SEPTIN9: variants seen among roughly 807,000 people sequenced by gnomAD.
SEPTIN9 encodes septin 9.
In SEPTIN9, 13 loss-of-function variants were observed where a neutral mutation model predicts 56.6. The ratio of observed to expected loss-of-function variants is 0.23; its 90% confidence interval spans 0.15 to 0.37. SEPTIN9 has a LOEUF of 0.37. Ranked by LOEUF, SEPTIN9 falls within the 10% of genes least tolerant of loss-of-function variation. The pLI is 1.00. For synonymous variants in SEPTIN9, 332 were observed against 334.1 expected, an observed-to-expected ratio of 0.99 and a Z score of 0.07; for missense variants, 650 against 823.1, an observed-to-expected ratio of 0.79 and a Z score of 2.57.
chr17:77,425,979 C>T lies in SEPTIN9; in HGVS notation c.721+23276C>T, dbSNP rs928925706. Among the ~76,000 whole-genome samples the T allele has an allele frequency of 2.0e-5, 3 of 152,172 alleles. No individual in the cohort carries two copies. The highest frequency in any genetic ancestry group is 6.5e-5 in the Admixed American group (1 of 15,270). On this transcript the variant is annotated intron_variant, in intron 3 of 11. Coordinates refer to ENST00000427177, the MANE Select transcript of SEPTIN9 (RefSeq NM_001113491.2). This position sits in a 1 kb window ranked among gnomAD's most constrained non-coding sequence, Gnocchi z 4.2. Reference sequence around the variant, plus strand: ...GTGCGGCTGTGAGTTCAGGCCATGCCCTCAGACTGGAGGATAGGATCGGAA... The same window carrying T: ...GTGCGGCTGTGAGTTCAGGCCATGCTCTCAGACTGGAGGATAGGATCGGAA...
At chr17:77,494,613 G>A (rs969338626) in intron 10 of SEPTIN9, among the ~76,000 whole-genome samples, 1 of 152,228 alleles carries the variant, frequency 6.6e-6, no homozygotes, top group Non-Finnish European at 1.5e-5. Context: ...TTACCAGGAG[G>A]CATCAGACAC....
intron 2 of SEPTIN9, among the ~76,000 whole-genome samples, chr17:77,397,771 T>G (rs1962403): frequency 0.02 from 3,078 of 152,250 alleles, 108 homozygotes; most frequent in African/African-American, 0.068. Flanking sequence ...TGCCTCAGCC[T>G]TCCAAGTAGC....
intron 3 of SEPTIN9, among the ~76,000 whole-genome samples, chr17:77,470,089 A>ACTCAT (rs2038920744): frequency 6.7e-6 from 1 of 150,002 alleles, no homozygotes; most frequent in Non-Finnish European, 1.5e-5. Flanking sequence ...CTATCCATCC[A>ACTCAT]CTCATCCACC....
intron 6 of SEPTIN9, 128 bp downstream of exon 6, chr17:77,488,449 T>A: frequency 1.1e-6 from 1 of 917,398 alleles, no homozygotes; most frequent in Non-Finnish European, 1.7e-6. Context: ...CCTGACATGC[T>A]GCCAAAGCCG....
At chr17:77,387,655 T>C (rs1223849558) in intron 2 of SEPTIN9, among the ~76,000 whole-genome samples, 2 of 152,132 alleles carry the variant, frequency 1.3e-5, no homozygotes, top group Non-Finnish European at 2.9e-5. Flanking sequence ...GTCCTCTGAA[T>C]GGCGGCTGCT....
intron 2 of SEPTIN9, among the ~76,000 whole-genome samples, chr17:77,360,705 C>G (rs151044493): frequency 6.6e-6 from 1 of 152,164 alleles, no homozygotes; most frequent in African/African-American, 2.4e-5. Context: ...GCTGGGACTA[C>G]AGGCGCCCGC....
chr17:77,398,261 C>CA (rs1362978760), intron 2 of SEPTIN9, among the ~76,000 whole-genome samples: 1 of 152,220 alleles, frequency 6.6e-6, no homozygotes, highest in African/African-American at 2.4e-5. Flanking sequence ...AGGCGTGAGC[C>CA]ACCACGCCTG....
At chr17:77,414,100 C>T (rs1209017553) in intron 3 of SEPTIN9, among the ~76,000 whole-genome samples, 5 of 151,684 alleles carry the variant, frequency 3.3e-5, no homozygotes, top group Non-Finnish European at 5.9e-5. Context: ...TTTTTTGAGA[C>T]GGAGTTTCAC....
intron 2 of SEPTIN9, chr17:77,320,233 G>A: frequency 1.9e-6 from 3 of 1,610,870 alleles, no homozygotes; most frequent in Non-Finnish European, 2.5e-6. Flanking sequence ...AGGAGGAGGA[G>A]GCTGAGAGAG....
chr17:77,336,278 T>C (rs1686127930), intron 2 of SEPTIN9, among the ~76,000 whole-genome samples: 1 of 152,174 alleles, frequency 6.6e-6, no homozygotes, highest in Admixed American at 6.5e-5. Context: ...AAATGCAGTG[T>C]GAATTTTGGT....
At chr17:77,488,949 C>T in intron 7 of SEPTIN9, 85 bp downstream of exon 7, 1 of 1,549,686 alleles carries the variant, frequency 6.5e-7, no homozygotes, top group Non-Finnish European at 8.7e-7. Context: ...TGCTGTCTGC[C>T]CTGCTGCTGG....
At chr17:77,289,847 GA>G (rs1170976459) in intron 1 of SEPTIN9, among the ~76,000 whole-genome samples, 1 of 152,154 alleles carries the variant, frequency 6.6e-6, no homozygotes, top group African/African-American at 2.4e-5. Flanking sequence ...AAATTGAAAG[GA>G]AAACTTCAAC....
At chr17:77,390,949 C>T (rs2035521058) in intron 2 of SEPTIN9, among the ~76,000 whole-genome samples, 1 of 152,176 alleles carries the variant, frequency 6.6e-6, no homozygotes, top group Admixed American at 6.5e-5. Context: ...CCCAGGAAGG[C>T]TGGATGTATG....
intron 1 of SEPTIN9, among the ~76,000 whole-genome samples, 165 bp from the exon 2 acceptor site, chr17:77,306,976 A>G (rs1445429925): frequency 2.0e-5 from 3 of 152,204 alleles, no homozygotes; most frequent in Non-Finnish European, 2.9e-5. Flanking sequence ...TCCAGCGTCC[A>G]GGGTTACCTG....
In SEPTIN9 at chr17:77,323,559, T is replaced by A. The variant is rs1397509159; in HGVS notation, c.76+16362T>A. The A allele has an allele frequency of 1.3e-5, 2 of 152,364 alleles. No homozygotes were observed. Among genetic ancestry groups the A allele is most frequent in the Non-Finnish European group, 2.9e-5 (2 of 68,188 alleles). 9.4% of individuals were successfully genotyped at this position (152,364 alleles called of 1,614,324 possible). The stretch of plus-strand genomic sequence containing the variant: ...GGCTTGGCCACGCTGTCGCTGGACG[T>A]CTGTCCCCACCAGGGTCCATCTGAT... On this transcript the variant is annotated intron_variant, in intron 2 of 11. Coordinates refer to ENST00000427177, the MANE Select transcript of SEPTIN9 (RefSeq NM_001113491.2). This position sits in a 1 kb window ranked among gnomAD's most constrained non-coding sequence, Gnocchi z 6.8.
chr17:77,356,728 C>T (rs1183474418), intron 2 of SEPTIN9, among the ~76,000 whole-genome samples: 1 of 107,722 alleles, frequency 9.3e-6, no homozygotes, highest in Non-Finnish European at 1.9e-5. Flanking sequence ...AACTGCCTTT[C>T]TCCATTGTCC....
In SEPTIN9 at chr17:77,425,893, C is replaced by T. The variant is rs756152673; in HGVS notation, c.721+23190C>T. Reference sequence around the variant, plus strand: ...CCCAGCCCTCCTGGAGCTGAGCATCCTGATCTGTAGAGGAGAGGCTGCTGT... The same window carrying T: ...CCCAGCCCTCCTGGAGCTGAGCATCTTGATCTGTAGAGGAGAGGCTGCTGT... On this transcript the variant is annotated intron_variant, in intron 3 of 11. Transcript: ENST00000427177. The surrounding 1 kb of genome is among the most constrained non-coding windows in gnomAD (Gnocchi z 4.2). Among the ~76,000 whole-genome samples the T allele has an allele frequency of 1.3e-5, 2 of 152,244 alleles. No homozygotes were observed. The highest frequency in any genetic ancestry group is 4.8e-5 in the African/African-American group (2 of 41,456).
chr17:77,488,425 C>T, intron 6 of SEPTIN9, 104 bp downstream of exon 6: 1 of 1,086,606 alleles, frequency 9.2e-7, no homozygotes, highest in South Asian at 1.3e-5. Context: ...GGGTGCAGGG[C>T]CCACCTCCTG....
In SEPTIN9 at chr17:77,482,720, C is replaced by T. The variant is rs377119370; in HGVS notation, c.913+385C>T. On this transcript the variant is annotated intron_variant, in intron 4 of 11. Coordinates refer to ENST00000427177, the MANE Select transcript of SEPTIN9 (RefSeq NM_001113491.2). ...CTCCAGGCTCCCCACCGCACCCCAC[C>T]GCACCCCGGCCAGAGGCTTCCCAGC... 4,459 of 590,590 alleles carry T rather than the reference C, an allele frequency of 7.6e-3. 168 individuals are homozygous for T. In the African/African-American group the frequency reaches 0.078, roughly 10 times the overall value. The allele number at this position is 590,590 out of a possible 1,614,324, so 36.6% of individuals were successfully genotyped here.
Sources: allele counts gnomAD v4.1 joint callset (sites outside exome capture counted in the v4.1 genomes callset), GRCh38; gene constraint gnomAD v4.1.1; non-coding constraint Gnocchi (gnomAD v3.1); transcripts MANE v1.5; gene names NCBI Gene and HGNC (gene_info 2026-07-23, HGNC 2026-07-21).